POLR3G: variants seen among roughly 807,000 people sequenced by gnomAD.
POLR3G encodes DNA-directed RNA polymerase III subunit RPC7.
POLR3G carries 28 observed loss-of-function variants against 30.1 expected under a neutral mutation model. The ratio of observed to expected loss-of-function variants is 0.93; its 90% CI spans 0.69 to 1.27. POLR3G has a LOEUF of 1.27. Among genes scored for constraint, POLR3G ranks in the 50% most tolerant of loss-of-function variants. POLR3G has a pLI of 0.00. For synonymous variants in POLR3G, 79 were observed against 82.5 expected, an observed-to-expected ratio of 0.96 and a Z score of 0.23; for missense variants, 254 against 264.6, an observed-to-expected ratio of 0.96 and a Z score of 0.28.
chr5:90,500,231 A>C (rs1350458446), intron 5 of POLR3G, among the ~76,000 whole-genome samples: 2 of 152,090 alleles, frequency 1.3e-5, no homozygotes, highest in Admixed American at 1.3e-4. Flanking sequence ...GATGTCCTCC[A>C]TTAATTTACA....
At chr5:90,474,796 C>T (rs370544311), upstream of POLR3G, 11 of 177,252 alleles carry the variant, frequency 6.2e-5, no homozygotes, top group South Asian at 8.1e-4. Context: ...CTGCCAAGGG[C>T]AAAAAAACCT....
chr5:90,510,739 G>A (rs939406484), intron 7 of POLR3G, among the ~76,000 whole-genome samples: 1 of 152,072 alleles, frequency 6.6e-6, no homozygotes, highest in African/African-American at 2.4e-5. Flanking sequence ...TTAGCTGAAT[G>A]CAGAAACTTA....
intron 7 of POLR3G, among the ~76,000 whole-genome samples, chr5:90,508,929 C>T (rs530180489): frequency 2.6e-5 from 4 of 152,078 alleles, no homozygotes; most frequent in South Asian, 2.1e-4. Flanking sequence ...GGCGTGGTGG[C>T]GGGTGCCTGT....
At chr5:90,492,925 G>A (rs1299694884) in intron 3 of POLR3G, among the ~76,000 whole-genome samples, 1 of 151,762 alleles carries the variant, frequency 6.6e-6, no homozygotes. Flanking sequence ...GGATATGTAA[G>A]TACAAGAAGA....
chr5:90,494,885 G>T (rs927960224), intron 3 of POLR3G, among the ~76,000 whole-genome samples: 1 of 151,658 alleles, frequency 6.6e-6, no homozygotes. Flanking sequence ...GTTTTTTTCC[G>T]GTATACTGAG....
At chr5:90,474,581 C>T (rs1750683537), upstream of POLR3G, 1 of 458,326 alleles carries the variant, frequency 2.2e-6, no homozygotes. Context: ...GCAGCCGCAC[C>T]ACGAGAGAGC....
At chr5:90,474,761 G>A (rs1463341449), upstream of POLR3G, 3 of 186,292 alleles carry the variant, frequency 1.6e-5, no homozygotes, top group African/African-American at 2.4e-5. Context: ...GTGGGGCCTC[G>A]CGGGTTGTAC....
chr5:90,507,107 C>G (rs1401019593), intron 7 of POLR3G, among the ~76,000 whole-genome samples: 3 of 152,196 alleles, frequency 2.0e-5, no homozygotes, highest in Non-Finnish European at 4.4e-5. Flanking sequence ...GATAATTTAA[C>G]CTCAGGTATC....
At chr5:90,481,964 T>C (rs1206361491) in intron 1 of POLR3G, among the ~76,000 whole-genome samples, 1 of 152,168 alleles carries the variant, frequency 6.6e-6, no homozygotes, top group Non-Finnish European at 1.5e-5. Flanking sequence ...ATACGGATAA[T>C]TTTGAAGCTG....
intron 3 of POLR3G, among the ~76,000 whole-genome samples, chr5:90,492,645 G>A (rs1481182379): frequency 6.6e-6 from 1 of 152,110 alleles, no homozygotes; most frequent in Admixed American, 6.5e-5. Flanking sequence ...CACTTTGGGA[G>A]TCTGAGGCAG....
At chr5:90,490,273 G>GTTT (rs1299729037) in intron 3 of POLR3G, among the ~76,000 whole-genome samples, 4 of 106,838 alleles carry the variant, frequency 3.7e-5, no homozygotes, top group African/African-American at 1.3e-4. Context: ...AAAATATAAG[G>GTTT]GTTTTTTTTT....
chr5:90,486,385 G>A (rs2151903321), intron 2 of POLR3G, among the ~76,000 whole-genome samples: 1 of 152,270 alleles, frequency 6.6e-6, no homozygotes, highest in South Asian at 2.1e-4. Context: ...CCATGTGTGA[G>A]GAGATTACCT....
intron 5 of POLR3G, among the ~76,000 whole-genome samples, chr5:90,501,211 CT>C (rs532346093): frequency 2.6e-5 from 4 of 152,080 alleles, no homozygotes; most frequent in African/African-American, 9.7e-5. Flanking sequence ...AGTACAGACA[CT>C]TTACATTTTT....
chr5:90,493,197 A>G (rs1751818704), intron 3 of POLR3G, among the ~76,000 whole-genome samples: 1 of 135,130 alleles, frequency 7.4e-6, no homozygotes. Flanking sequence ...CATGTAATAT[A>G]AATTTGGATT....
intron 5 of POLR3G, among the ~76,000 whole-genome samples, chr5:90,498,813 T>A (rs1752113150): frequency 6.6e-6 from 1 of 152,250 alleles, no homozygotes. Flanking sequence ...TGCCAGACAT[T>A]GTGCTGACAG....
chr5:90,497,225 A>G (rs1414358418), intron 4 of POLR3G, among the ~76,000 whole-genome samples: 1 of 151,952 alleles, frequency 6.6e-6, no homozygotes, highest in Non-Finnish European at 1.5e-5. Flanking sequence ...TTCATTTTGC[A>G]TGTTTTGGGA....
chr5:90,487,844 T>C (rs1472725776), intron 2 of POLR3G, among the ~76,000 whole-genome samples, 156 bp from the exon 3 acceptor site: 4 of 152,200 alleles, frequency 2.6e-5, no homozygotes, highest in African/African-American at 7.2e-5. Flanking sequence ...ACAGGTTAAA[T>C]AGACTACAGA....
In POLR3G at chr5:90,495,675, A is replaced by G; in HGVS notation, c.248-2A>G. 6.2e-7 allele frequency: 1 copy of G among 1,601,722 alleles called. No homozygotes were observed. Among genetic ancestry groups the G allele is most frequent in the Non-Finnish European group, 8.5e-7 (1 of 1,174,362 alleles). ...TGAGTTCTTTATTCTTTTTTCCCCT[A>G]GATATTGAAAGGTATAGTAAAAGAT... On this transcript the variant is annotated splice_acceptor_variant, in intron 3 of 7. Transcript: ENST00000651687. LOFTEE classifies it high-confidence loss of function.
Position 90,512,266 on chromosome 5 carries a change from C to G in POLR3G, c.*127C>G, listed in dbSNP as rs866724451. The G allele has an allele frequency of 9.6e-6, 6 of 622,296 alleles. No homozygotes were observed. Among genetic ancestry groups the G allele is most frequent in the Non-Finnish European group, 1.4e-5 (5 of 350,882 alleles). 38.5% of individuals were successfully genotyped at this position (622,296 alleles called of 1,614,324 possible). A position where few individuals can be genotyped will look rare whatever the true frequency, so the allele number is the denominator to read the frequency against. Reference sequence around the variant, plus strand: ...GTTGTTTTGGACAAATAGTTGTTACCAAAATATTCAAAACCACTTTGAGTT... The same window carrying G: ...GTTGTTTTGGACAAATAGTTGTTACGAAAATATTCAAAACCACTTTGAGTT... On this transcript the variant is annotated 3_prime_UTR_variant, in exon 8 of 8. Transcript: ENST00000651687.
Sources: gnomAD v4.1 joint callset for allele counts (sites outside exome capture counted in the v4.1 genomes callset) on GRCh38, gnomAD v4.1.1 for gene constraint, MANE v1.5 for transcripts, NCBI Gene and HGNC (gene_info 2026-07-23, HGNC 2026-07-21) for gene names.